XIRP2: variants seen among roughly 807,000 people sequenced by gnomAD.
The protein encoded by XIRP2 is xin actin-binding repeat-containing protein 2.
Under a neutral mutation model 277.0 loss-of-function variants are expected in XIRP2, and 236 were observed. That is an observed-to-expected ratio of 0.85 (90% CI 0.77 to 0.95). The LOEUF (loss-of-function observed/expected upper bound fraction) is 0.95. XIRP2 is among the 40% of genes least tolerant of loss of function. XIRP2 has a pLI of 0.00. For missense variants in XIRP2, 4,640 were observed against 4,157.5 expected, an observed-to-expected ratio of 1.12 and a Z score of -3.19; for synonymous variants, 1,490 against 1,416.5, an observed-to-expected ratio of 1.05 and a Z score of -1.17.
At chr2:166,939,540 C>T (rs1291835421) in intron 2 of XIRP2, among the ~76,000 whole-genome samples, 4 of 151,318 alleles carry the variant, frequency 2.6e-5, no homozygotes, top group Non-Finnish European at 4.4e-5. Context: ...ATTAGCTGGG[C>T]GTGGTGGTGG....
chr2:166,933,970 AT>A (rs1290197048), intron 2 of XIRP2, among the ~76,000 whole-genome samples: 1 of 152,084 alleles, frequency 6.6e-6, no homozygotes, highest in Non-Finnish European at 1.5e-5. Context: ...TTAAAAAAAA[AT>A]CAGAAACAAA....
chr2:167,095,221 G>C (rs1269252959), intron 2 of XIRP2, among the ~76,000 whole-genome samples: 2 of 152,188 alleles, frequency 1.3e-5, no homozygotes, highest in Non-Finnish European at 2.9e-5. Flanking sequence ...GGGCTGAGAT[G>C]ATGGGGTTTT....
chr2:167,153,705 A>G (rs950215255), intron 3 of XIRP2, among the ~76,000 whole-genome samples: 3 of 151,866 alleles, frequency 2.0e-5, no homozygotes, highest in Admixed American at 2.0e-4. Context: ...GATGATTTCC[A>G]ATTTCATCCA....
chr2:166,910,646 T>G (rs944855754), intron 2 of XIRP2, among the ~76,000 whole-genome samples: 1 of 152,194 alleles, frequency 6.6e-6, no homozygotes, highest in Non-Finnish European at 1.5e-5. Context: ...ATTTCTTGCC[T>G]TCTGCTAGCT....
intron 2 of XIRP2, among the ~76,000 whole-genome samples, chr2:167,131,171 C>T (rs912610664): frequency 2.6e-5 from 4 of 152,148 alleles, no homozygotes; most frequent in Non-Finnish European, 4.4e-5. Context: ...ATTTGACCCT[C>T]CTTCCCCTCA....
In XIRP2 at chr2:167,155,311, C is replaced by G. The variant is rs1380929834; in HGVS notation, c.562+19249C>G. Among the ~76,000 whole-genome samples, 9 of 151,962 alleles carry G rather than the reference C, an allele frequency of 5.9e-5. No homozygotes were observed. In the East Asian group the frequency reaches 1.7e-3, roughly 29 times the overall value. ...ACAACCAAAAAGGAGAATTTTAGACCAATATCCTTGATGAACATTGATGCA... is the reference window on the plus strand; with the variant it reads ...ACAACCAAAAAGGAGAATTTTAGACGAATATCCTTGATGAACATTGATGCA... On this transcript the variant is annotated intron_variant, in intron 3 of 10. Coordinates refer to ENST00000409195, the MANE Select transcript of XIRP2 (RefSeq NM_152381.6).
intron 3 of XIRP2, among the ~76,000 whole-genome samples, chr2:167,202,312 C>A (rs968832510): frequency 6.6e-6 from 1 of 151,744 alleles, no homozygotes; most frequent in Non-Finnish European, 1.5e-5. Flanking sequence ...TCGTATATGC[C>A]CAAACTAGCA....
intron 2 of XIRP2, among the ~76,000 whole-genome samples, chr2:166,920,253 C>G (rs1226896509): frequency 6.6e-6 from 1 of 152,112 alleles, no homozygotes; most frequent in Non-Finnish European, 1.5e-5. Flanking sequence ...CATTTAACAG[C>G]TATGATGTGG....
chr2:166,986,037 C>T (rs1686995594), intron 2 of XIRP2, among the ~76,000 whole-genome samples: 1 of 152,132 alleles, frequency 6.6e-6, no homozygotes, highest in African/African-American at 2.4e-5. Context: ...ATGGTTGCAC[C>T]AGGTTGTACC....
intron 2 of XIRP2, among the ~76,000 whole-genome samples, chr2:167,073,616 A>G (rs1348564512): frequency 2.0e-5 from 3 of 152,126 alleles, no homozygotes; most frequent in Admixed American, 6.5e-5. Context: ...GCAAATGTCT[A>G]CCTGTCTAAA....
chr2:167,214,603 G>C (rs1694188710), intron 4 of XIRP2, among the ~76,000 whole-genome samples: 1 of 151,936 alleles, frequency 6.6e-6, no homozygotes. Context: ...GTCTTGCTCT[G>C]CTGCTCAGGC....
intron 3 of XIRP2, among the ~76,000 whole-genome samples, chr2:167,209,149 T>A (rs368876143): frequency 6.6e-6 from 1 of 152,240 alleles, no homozygotes; most frequent in Admixed American, 6.5e-5. Flanking sequence ...TATAATACCA[T>A]GTCTTATTCC....
chr2:167,048,373 A>C (rs1553482128), intron 2 of XIRP2, among the ~76,000 whole-genome samples: 1 of 151,960 alleles, frequency 6.6e-6, no homozygotes, highest in Non-Finnish European at 1.5e-5. Context: ...CTTTGATTAT[A>C]GAGATCACAG....
intron 5 of XIRP2, among the ~76,000 whole-genome samples, chr2:167,220,116 G>A (rs1694378898): frequency 6.6e-6 from 1 of 152,104 alleles, no homozygotes; most frequent in Non-Finnish European, 1.5e-5. Context: ...CAGCCATAGT[G>A]AGAATATTTA....
Position 167,250,895 on chromosome 2 carries a change from C to G in XIRP2, c.9503C>G (p.Ala3168Gly). 6.2e-7 allele frequency: 1 copy of G among 1,613,334 alleles called. No individual in the cohort carries two copies. The highest frequency in any genetic ancestry group is 8.5e-7 in the Non-Finnish European group (1 of 1,179,660). Reference protein sequence around the residue: ...PMSQKSEIHRANTSPSPPRSR... With the variant: ...PMSQKSEIHRGNTSPSPPRSR... Reference sequence around the variant, plus strand: ...TCGCAAAAATCTGAAATTCACAGAGCAAACACTTCCCCTTCTCCACCCAGG... The same window carrying G: ...TCGCAAAAATCTGAAATTCACAGAGGAAACACTTCCCCTTCTCCACCCAGG... The change falls in exon 9 of 11, where the codon GCA becomes GGA. Residue 3168 changes from alanine (A) to glycine (G), a missense_variant. Physicochemically the swap from Ala to Gly is moderately conservative, Grantham distance 60. Transcript: ENST00000409195.
rs1250546342 is a variant in XIRP2, at chr2:167,245,848, G to T, written c.4456G>T (p.Asp1486Tyr). The T allele has an allele frequency of 6.2e-7, 1 of 1,613,764 alleles. No individual in the cohort carries two copies. Among genetic ancestry groups the T allele is most frequent in the African/African-American group, 1.3e-5 (1 of 75,002 alleles). The change falls in exon 9 of 11, where the codon GAT becomes TAT. Residue 1486 changes from aspartate (D) to tyrosine (Y), a missense_variant. Coordinates refer to ENST00000409195, the MANE Select transcript of XIRP2 (RefSeq NM_152381.6). ...TVTQEDVQKG[D>Y]VKQAVWLFEN... ...CACTCAGGAAGATGTGCAGAAAGGTGATGTTAAGCAGGCTGTGTGGCTTTT... is the reference window on the plus strand; with the variant it reads ...CACTCAGGAAGATGTGCAGAAAGGTTATGTTAAGCAGGCTGTGTGGCTTTT...
chr2:166,973,781 A>G (rs1295221416), intron 2 of XIRP2, among the ~76,000 whole-genome samples: 3 of 152,246 alleles, frequency 2.0e-5, no homozygotes, highest in African/African-American at 7.2e-5. Context: ...CCTTAGCCCA[A>G]AGCATAAAGA....
rs1363799667 is a variant in XIRP2, at chr2:167,201,236, AAGAAAGAAAGAAAGAAAGAAAGAAAG to A, written c.563-9495_563-9470del. Among the ~76,000 whole-genome samples the A allele has an allele frequency of 5.8e-5, 6 of 103,864 alleles. No homozygotes were observed. In the East Asian group the frequency reaches 1.7e-3, roughly 30 times the overall value. 68.1% of individuals were successfully genotyped at this position (103,864 alleles called of 152,430 possible). A position where few individuals can be genotyped will look rare whatever the true frequency, so the allele number is the denominator to read the frequency against. On this transcript the variant is annotated intron_variant, in intron 3 of 10. Transcript: ENST00000409195. The stretch of plus-strand genomic sequence containing the variant: ...AAAGAAAGAAAGAAAGAAAGAAAGA[AAGAAAGAAAGAAAGAAAGAAAGAAAG>A]AGAGAGGGAGAAAGGAAAGAAGGAA...
chr2:167,047,370 G>A lies in XIRP2; in HGVS notation c.409-88539G>A, dbSNP rs972036834. 1.1e-4 allele frequency among the ~76,000 whole-genome samples: 16 copies of A among 151,614 alleles called. No homozygotes were observed. In the South Asian group the frequency reaches 1.5e-3, roughly 14 times the overall value. On this transcript the variant is annotated intron_variant, in intron 2 of 10. Coordinates refer to ENST00000409195, the MANE Select transcript of XIRP2 (RefSeq NM_152381.6). Reference sequence around the variant, plus strand: ...TCTGTTAGGCATAAGTAGCTTCACCGAGATAACATTACACAAGATTTCTGT... The same window carrying A: ...TCTGTTAGGCATAAGTAGCTTCACCAAGATAACATTACACAAGATTTCTGT...
Sources: allele counts gnomAD v4.1 joint callset (sites outside exome capture counted in the v4.1 genomes callset), GRCh38; gene constraint gnomAD v4.1.1; transcripts MANE v1.5; gene names NCBI Gene and HGNC (gene_info 2026-07-23, HGNC 2026-07-21).